Variants in CDH12 observed in about 807,000 individuals in gnomAD.
The protein encoded by CDH12 is cadherin-12.
CDH12 carries 41 observed loss-of-function variants against 74.1 expected under a neutral mutation model. The observed-to-expected ratio is 0.55, with a 90% CI of 0.43 to 0.72. CDH12 has a LOEUF of 0.72. CDH12 is among the 30% of genes least tolerant of loss of function. The probability of loss-of-function intolerance (pLI) is 0.00; values close to 1 mark genes in which losing one functional copy is unlikely to be tolerated. For synonymous variants in CDH12, 399 were observed against 355.0 expected (o/e 1.12, Z -1.39); for missense variants, 945 against 977.2 (o/e 0.97, Z 0.44).
intron 5 of CDH12, among the ~76,000 whole-genome samples, chr5:22,064,771 A>G (rs1741445645): frequency 6.6e-6 from 1 of 152,186 alleles, no homozygotes; most frequent in Admixed American, 6.6e-5. Flanking sequence ...TTGAATTCCC[A>G]GCTCAAGTAC....
At chr5:22,650,784 A>C (rs1205193524) in intron 1 of CDH12, among the ~76,000 whole-genome samples, 3 of 151,982 alleles carry the variant, frequency 2.0e-5, no homozygotes. Flanking sequence ...TCAATATCAG[A>C]AACTACTAAG....
At chr5:22,380,310 A>G (rs1030779000) in intron 3 of CDH12, among the ~76,000 whole-genome samples, 4 of 152,224 alleles carry the variant, frequency 2.6e-5, no homozygotes, top group Non-Finnish European at 5.9e-5. Flanking sequence ...TTCTTCTGAA[A>G]GCCTTCACAT....
chr5:21,905,855 T>A (rs180833877), intron 6 of CDH12, among the ~76,000 whole-genome samples: 2 of 152,186 alleles, frequency 1.3e-5, no homozygotes, highest in Non-Finnish European at 2.9e-5. Flanking sequence ...TTTGAACATA[T>A]GTTTATTGTC....
chr5:22,196,923 CA>C (rs1188330192), intron 4 of CDH12, among the ~76,000 whole-genome samples: 1 of 151,936 alleles, frequency 6.6e-6, no homozygotes, highest in Non-Finnish European at 1.5e-5. Flanking sequence ...CTCAATCAGA[CA>C]AAAAAGTAGA....
intron 2 of CDH12, among the ~76,000 whole-genome samples, chr5:22,481,050 A>G (rs1296010154): frequency 6.6e-6 from 1 of 152,204 alleles, no homozygotes. Flanking sequence ...GACTTTTCAG[A>G]TAGTATTACC....
chr5:22,711,155 A>G (rs1743268116), intron 1 of CDH12, among the ~76,000 whole-genome samples: 1 of 152,162 alleles, frequency 6.6e-6, no homozygotes, highest in South Asian at 2.1e-4. Context: ...AACAAAACAT[A>G]TAATAAAGGA....
intron 2 of CDH12, among the ~76,000 whole-genome samples, chr5:22,466,776 CTTTTTTTTTTTTTTTT>C (rs70959733): frequency 5.9e-5 from 3 of 50,968 alleles, no homozygotes; most frequent in South Asian, 2.1e-3. Context: ...CCTCAGGAAT[CTTTTTTTTTTTTTTTT>C]TTTTTTTTTT....
intron 3 of CDH12, among the ~76,000 whole-genome samples, chr5:22,315,118 G>GTTTTTTTTTTTTT (rs1344184080): frequency 3.2e-4 from 3 of 9,394 alleles, no homozygotes; most frequent in Admixed American, 1.3e-3. Flanking sequence ...TGCCTGCCTG[G>GTTTTTTTTTTTTT]CTTTTTTTTT....
intron 6 of CDH12, among the ~76,000 whole-genome samples, chr5:21,938,103 C>T (rs558622446): frequency 4.3e-4 from 65 of 152,176 alleles, no homozygotes; most frequent in Admixed American, 2.5e-3. Flanking sequence ...GGAACTGGAC[C>T]GTCAGGGCTT....
intron 5 of CDH12, among the ~76,000 whole-genome samples, chr5:22,000,909 T>C (rs1325385440): frequency 6.6e-6 from 1 of 152,128 alleles, no homozygotes; most frequent in Non-Finnish European, 1.5e-5. Flanking sequence ...ATTTGTTGTT[T>C]ACTTACATTA....
chr5:22,345,877 G>A (rs1239476977), intron 3 of CDH12, among the ~76,000 whole-genome samples: 1 of 152,114 alleles, frequency 6.6e-6, no homozygotes, highest in Admixed American at 6.6e-5. Context: ...GCTGAGGCAG[G>A]CGGATCGCCT....
intron 3 of CDH12, among the ~76,000 whole-genome samples, chr5:22,334,948 T>G (rs542249050): frequency 6.6e-6 from 1 of 152,106 alleles, no homozygotes; most frequent in Non-Finnish European, 1.5e-5. Flanking sequence ...AAAAATTTCT[T>G]GAGTAATACC....
chr5:22,809,113 T>G (rs1264659119), intron 1 of CDH12, among the ~76,000 whole-genome samples: 1 of 152,014 alleles, frequency 6.6e-6, no homozygotes, highest in African/African-American at 2.4e-5. Context: ...GTAATAAAAT[T>G]AATTCTGATG....
chr5:22,797,479 A>G (rs1469104900), intron 1 of CDH12, among the ~76,000 whole-genome samples: 1 of 152,202 alleles, frequency 6.6e-6, no homozygotes, highest in East Asian at 1.9e-4. Flanking sequence ...CTTGTTCTGT[A>G]CTAAGTGGCT....
At chr5:21,978,427 G>A (rs1757161007) in intron 5 of CDH12, among the ~76,000 whole-genome samples, 1 of 152,158 alleles carries the variant, frequency 6.6e-6, no homozygotes, top group Non-Finnish European at 1.5e-5. Context: ...ATCGGCATGA[G>A]CCACTGCGCC....
chr5:22,021,609 T>C (rs1177179627), intron 5 of CDH12, among the ~76,000 whole-genome samples: 1 of 152,234 alleles, frequency 6.6e-6, no homozygotes, highest in Non-Finnish European at 1.5e-5. Flanking sequence ...ATTTTGCTAT[T>C]CACTTTCAGT....
chr5:22,418,333 A>G (rs1289244146), intron 2 of CDH12, among the ~76,000 whole-genome samples: 1 of 152,018 alleles, frequency 6.6e-6, no homozygotes, highest in African/African-American at 2.4e-5. Context: ...TTATCAGCTT[A>G]AGGAGATTTG....
chr5:22,752,738 A>T (rs1745657870), intron 1 of CDH12, among the ~76,000 whole-genome samples: 1 of 145,880 alleles, frequency 6.9e-6, no homozygotes, highest in African/African-American at 2.6e-5. Context: ...CGCCCGGCTA[A>T]TTTTTTGTAT....
chr5:22,100,020 C>G lies in CDH12; in HGVS notation c.-186-21158G>C, dbSNP rs151176818. On this transcript the variant is annotated intron_variant, in intron 4 of 14. Coordinates refer to ENST00000382254, the MANE Select transcript of CDH12 (RefSeq NM_004061.5). ...TTCCCACGCTGCCCCTAATGCCGCTCGAAGCAGCCCTGAGAAACATCGCCC... is the reference window on the plus strand; with the variant it reads ...TTCCCACGCTGCCCCTAATGCCGCTGGAAGCAGCCCTGAGAAACATCGCCC... 4.6e-3 allele frequency among the ~76,000 whole-genome samples: 696 copies of G among 152,218 alleles called. 5 individuals carry two copies. Among genetic ancestry groups the G allele is most frequent in the Admixed American group, 6.5e-3 (100 of 15,272 alleles).
Sources: allele counts gnomAD v4.1 joint callset (sites outside exome capture counted in the v4.1 genomes callset), GRCh38; gene constraint gnomAD v4.1.1; transcripts MANE v1.5; gene names NCBI Gene and HGNC (gene_info 2026-07-23, HGNC 2026-07-21).